CSF2: variants seen among roughly 807,000 people sequenced by gnomAD.
CSF2 encodes granulocyte-macrophage colony-stimulating factor.
CSF2 carries 2 observed loss-of-function variants against 13.5 expected under a neutral mutation model. The ratio of observed to expected loss-of-function variants is 0.15; its 90% CI spans 0.06 to 0.47. The LOEUF is 0.47. Ranked by LOEUF, CSF2 falls within the 20% of genes least tolerant of loss-of-function variation. The probability of loss-of-function intolerance (pLI) is 0.97; values close to 1 mark genes in which losing one functional copy is unlikely to be tolerated. For missense variants in CSF2, 141 were observed against 179.7 expected (o/e 0.78, Z 1.23); for synonymous variants, 66 against 69.2 (o/e 0.95, Z 0.23).
intron 3 of CSF2, 43 bp from the exon 4 acceptor site, chr5:132,075,702 A>C: frequency 6.9e-7 from 1 of 1,456,912 alleles, no homozygotes; most frequent in Non-Finnish European, 9.5e-7. Context: ...CACGTTACCC[A>C]CTTGCCTGGA....
intron 1 of CSF2, 31 bp downstream of exon 1, chr5:132,074,013 G>C (rs373579996): frequency 6.2e-7 from 1 of 1,613,612 alleles, no homozygotes; most frequent in Non-Finnish European, 8.5e-7. Context: ...CTGTGCCTAG[G>C]CCACCCAGCT....
At chr5:132,075,627 G>T in intron 3 of CSF2, 118 bp from the exon 4 acceptor site, 1 of 798,270 alleles carries the variant, frequency 1.3e-6, no homozygotes, top group Non-Finnish European at 2.1e-6. Flanking sequence ...GTGTGTCCTG[G>T]AGTGGGCCTC....
intron 3 of CSF2, among the ~76,000 whole-genome samples, chr5:132,075,483 C>T (rs530170336): frequency 1.1e-3 from 170 of 152,290 alleles, no homozygotes; most frequent in African/African-American, 3.9e-3. Flanking sequence ...AAAAGGCAGG[C>T]GTTTGACTGC....
In CSF2 at chr5:132,074,946, A is replaced by G. The variant is rs1300414078; in HGVS notation, c.327+11A>G. Reference sequence around the variant, plus strand: ...TGCCCTCCAACCCCGGTGAGTGCCTACGGCAGGGCCTCCAGCAGGAATGTC... The same window carrying G: ...TGCCCTCCAACCCCGGTGAGTGCCTGCGGCAGGGCCTCCAGCAGGAATGTC... On this transcript the variant is annotated intron_variant, in intron 3 of 3. Transcript: ENST00000296871. 2 of 1,613,266 alleles carry G rather than the reference A, an allele frequency of 1.2e-6. No individual in the cohort carries two copies. The highest frequency in any genetic ancestry group is 1.3e-5 in the African/African-American group (1 of 75,052).
At position 132,073,974 on chromosome 5, in the gene CSF2, G is replaced by T. The variant is rs758157313; in HGVS notation, c.151G>T (p.Ala51Ser). Residue 51 changes from alanine (A) to serine (S), a missense_variant, in exon 1 of 4, where the codon GCT (alanine) becomes TCT (serine). Transcript: ENST00000296871. Reference protein sequence around the residue: ...RLLNLSRDTAAEMNETVEVIS... With the variant: ...RLLNLSRDTASEMNETVEVIS... ...CCTGAACCTGAGTAGAGACACTGCT[G>T]CTGAGATGGTAAGTGAGAGAATGTG... 1 of 1,613,616 alleles carries T rather than the reference G, an allele frequency of 6.2e-7. No homozygotes were observed. Among genetic ancestry groups the T allele is most frequent in the Non-Finnish European group, 8.5e-7 (1 of 1,180,044 alleles).
intron 3 of CSF2, among the ~76,000 whole-genome samples, chr5:132,075,313 TG>T (rs1756689295): frequency 6.6e-6 from 1 of 152,192 alleles, no homozygotes; most frequent in Non-Finnish European, 1.5e-5. Flanking sequence ...ATGGGGTGCT[TG>T]AATTGCAGAG....
At position 132,075,789 on chromosome 5, in the gene CSF2, A is replaced by G. The variant is rs940112572; in HGVS notation, c.372A>G (p.Lys124=). The G allele has an allele frequency of 2.4e-5, 39 of 1,611,192 alleles. No individual in the cohort carries two copies. Among genetic ancestry groups the G allele is most frequent in the Non-Finnish European group, 3.1e-5 (37 of 1,179,938 alleles). ...AGATTATCACCTTTGAAAGTTTCAA[A>G]GAGAACCTGAAGGACTTTCTGCTTG... ...ATQIITFESF[K]ENLKDFLLVI... Residue 124 remains lysine (K), a synonymous_variant, in exon 4 of 4, where the codon AAA becomes AAG. Transcript: ENST00000296871.
chr5:132,074,791 C>A lies in CSF2; in HGVS notation c.202-19C>A. 6.2e-7 allele frequency: 1 copy of A among 1,613,814 alleles called. No homozygotes were observed. Among genetic ancestry groups the A allele is most frequent in the South Asian group, 1.1e-5 (1 of 91,088 alleles). ...TGGGCACTTGGCCACTGCTCACCGA[C>A]GAACGACATTTTCCACAGGAGCCGA... On this transcript the variant is annotated intron_variant, in intron 2 of 3. Transcript: ENST00000296871.
chr5:132,074,687 C>T lies in CSF2; in HGVS notation c.202-123C>T, dbSNP rs935621850. 6.0e-6 allele frequency: 9 copies of T among 1,492,442 alleles called. No homozygotes were observed. In the Admixed American group the frequency reaches 1.2e-4, roughly 19 times the overall value. 92.4% of individuals were successfully genotyped at this position (1,492,442 alleles called of 1,614,324 possible). On this transcript the variant is annotated intron_variant, in intron 2 of 3. Coordinates refer to ENST00000296871, the MANE Select transcript of CSF2 (RefSeq NM_000758.4). ...GGGCAGGGTCTATGACTGGACCCAG[C>T]CTGTGCCCCTCCCAAGCCCTACTCC...
Position 132,073,966 on chromosome 5 carries a change from A to G in CSF2, c.143A>G (p.Asp48Gly), listed in dbSNP as rs1428246072. 1.9e-6 allele frequency: 3 copies of G among 1,613,540 alleles called. No homozygotes were observed. The highest frequency in any genetic ancestry group is 1.1e-5 in the South Asian group (1 of 91,078). Residue 48 changes from aspartate (D) to glycine (G), a missense_variant, in exon 1 of 4, where the codon GAC (aspartate) becomes GGC (glycine). Transcript: ENST00000296871. ...EARRLLNLSRDTAAEMNETVE... is the reference protein window; with the variant it reads ...EARRLLNLSRGTAAEMNETVE... Reference sequence around the variant, plus strand: ...CGGCGTCTCCTGAACCTGAGTAGAGACACTGCTGCTGAGATGGTAAGTGAG... The same window carrying G: ...CGGCGTCTCCTGAACCTGAGTAGAGGCACTGCTGCTGAGATGGTAAGTGAG...
Position 132,075,953 on chromosome 5 carries a change from A to T in CSF2, c.*101A>T, listed in dbSNP as rs1756699764. ...TCTTGGAGGGACCAAGGGGTGGGCC[A>T]CAGCCATGGTGGGAGTGGCCTGGAC... is the stretch of plus-strand genomic sequence containing the variant. On this transcript the variant is annotated 3_prime_UTR_variant, in exon 4 of 4. Transcript: ENST00000296871. The T allele has an allele frequency of 2.0e-6, 2 of 977,412 alleles. No homozygotes were observed. The highest frequency in any genetic ancestry group is 3.4e-5 in the Admixed American group (2 of 58,132). The allele number at this position is 977,412 out of a possible 1,614,324, so 60.5% of individuals were successfully genotyped here.
chr5:132,074,848 G>A lies in CSF2; in HGVS notation c.240G>A (p.Lys80=). Residue 80 remains lysine, a synonymous_variant, in exon 3 of 4, where the codon AAG becomes AAA. Transcript: ENST00000296871. ...TACAGACCCGCCTGGAGCTGTACAA[G>A]CAGGGCCTGCGGGGCAGCCTCACCA... The part of the protein sequence containing the change: ...TCLQTRLELY[K]QGLRGSLTKL... 1 of 1,613,754 alleles carries A rather than the reference G, an allele frequency of 6.2e-7. No homozygotes were observed. Among genetic ancestry groups the A allele is most frequent in the Middle Eastern group, 1.7e-4 (1 of 6,060 alleles).
chr5:132,075,766 A>G lies in CSF2; in HGVS notation c.349A>G (p.Ile117Val). 1.2e-6 allele frequency: 2 copies of G among 1,609,784 alleles called. No individual in the cohort carries two copies. The highest frequency in any genetic ancestry group is 1.7e-6 in the Non-Finnish European group (2 of 1,179,742). ...AAAGGAAACTTCCTGTGCAACCCAG[A>G]TTATCACCTTTGAAAGTTTCAAAGA... Reference protein sequence around the residue: ...PTPETSCATQIITFESFKENL... With the variant: ...PTPETSCATQVITFESFKENL... The change falls in exon 4 of 4, where the codon ATT becomes GTT. Residue 117 changes from isoleucine to valine, a missense_variant. Physicochemically the swap from Ile to Val is conservative, Grantham distance 29. Transcript: ENST00000296871.
chr5:132,074,271 A>G (rs1756672106), intron 2 of CSF2, 149 bp downstream of exon 2: 1 of 910,876 alleles, frequency 1.1e-6, no homozygotes, highest in African/African-American at 1.6e-5. Flanking sequence ...TGGGTGCTCA[A>G]GAGGCTGCTG....
intron 2 of CSF2, among the ~76,000 whole-genome samples, 181 bp downstream of exon 2, chr5:132,074,303 C>T (rs1004000822): frequency 6.6e-6 from 1 of 152,218 alleles, no homozygotes; most frequent in African/African-American, 2.4e-5. Flanking sequence ...ATGGCAGTCA[C>T]ATGAGCTCCT....
At chr5:132,074,521 C>T (rs891111472) in intron 2 of CSF2, among the ~76,000 whole-genome samples, 8 of 152,154 alleles carry the variant, frequency 5.3e-5, no homozygotes, top group African/African-American at 1.9e-4. Flanking sequence ...CCCAGCAGGT[C>T]CAGGTGAGGC....
rs768357906 is a variant in CSF2 at position 132,074,144 on chromosome 5, T to C, written c.201+22T>C. The C allele has an allele frequency of 6.8e-6, 11 of 1,613,616 alleles. No individual in the cohort carries two copies. The African/African-American group carries it at 9.3e-5, about 14-fold the overall frequency. ...CCAGGTAAGATGCTTCTCTCTGACATAGCTTTCCAGAAGCCCCTGCCCTGG... is the reference window on the plus strand; with the variant it reads ...CCAGGTAAGATGCTTCTCTCTGACACAGCTTTCCAGAAGCCCCTGCCCTGG... On this transcript the variant is annotated intron_variant, in intron 2 of 3. Coordinates refer to ENST00000296871, the MANE Select transcript of CSF2 (RefSeq NM_000758.4).
Position 132,076,150 on chromosome 5 carries a change from T to C in CSF2, c.*298T>C, listed in dbSNP as rs1234093389. 6.5e-6 allele frequency: 1 copy of C among 154,260 alleles called. No individual in the cohort carries two copies. Among genetic ancestry groups the C allele is most frequent in the African/African-American group, 2.4e-5 (1 of 41,464 alleles). The allele number at this position is 154,260 out of a possible 1,614,324, so 9.6% of individuals were successfully genotyped here. A position where few individuals can be genotyped will look rare whatever the true frequency, so the allele number is the denominator to read the frequency against. On this transcript the variant is annotated 3_prime_UTR_variant, in exon 4 of 4. Coordinates refer to ENST00000296871, the MANE Select transcript of CSF2 (RefSeq NM_000758.4). ...AGATGTTTTACCGTAATAATTATTA[T>C]TAAAAATATGCTTCTACTTGTCCAG...
intron 2 of CSF2, among the ~76,000 whole-genome samples, chr5:132,074,327 G>A (rs535022168): frequency 2.0e-5 from 3 of 152,202 alleles, no homozygotes; most frequent in Non-Finnish European, 2.9e-5. Flanking sequence ...TCAGCTGAGC[G>A]GCCATGGGCA....
Sources: allele counts gnomAD v4.1 joint callset (sites outside exome capture counted in the v4.1 genomes callset), GRCh38; gene constraint gnomAD v4.1.1; transcripts MANE v1.5; gene names NCBI Gene and HGNC (gene_info 2026-07-23, HGNC 2026-07-21).